Variants in PRKCH observed in about 807,000 individuals in gnomAD.
The protein encoded by PRKCH is protein kinase C eta, also known as protein kinase C eta type.
A neutral mutation model predicts 82.5 loss-of-function variants in PRKCH; 28 were observed. The observed-to-expected ratio is 0.34, with a 90% CI of 0.25 to 0.47. The LOEUF (loss-of-function observed/expected upper bound fraction) is 0.47, where lower values mean the gene tolerates loss of function less well. PRKCH is among the 20% of genes least tolerant of loss of function. The pLI is 1.00. For synonymous variants in PRKCH, 322 were observed against 327.4 expected (o/e 0.98, Z 0.18); for missense variants, 705 against 881.8 (o/e 0.80, Z 2.54).
intron 9 of PRKCH, among the ~76,000 whole-genome samples, chr14:61,465,618 T>C (rs1375139042): frequency 6.6e-6 from 1 of 152,254 alleles, no homozygotes; most frequent in African/African-American, 2.4e-5. Context: ...AATGTTTTGA[T>C]TACTGTAGCT....
intron 12 of PRKCH, among the ~76,000 whole-genome samples, chr14:61,543,121 G>C (rs78980171): frequency 0.013 from 2,017 of 152,318 alleles, 46 homozygotes; most frequent in African/African-American, 0.047. Flanking sequence ...CCATGTCAGA[G>C]AAGCTGTTAG....
chr14:61,233,348 G>A (rs1280521927), intron 1 of PRKCH, among the ~76,000 whole-genome samples: 1 of 151,270 alleles, frequency 6.6e-6, no homozygotes, highest in South Asian at 2.1e-4. Flanking sequence ...CCATAATCAA[G>A]CCACTGCACT....
In PRKCH at chr14:61,421,780, A is replaced by G. The variant is rs117765078; in HGVS notation, c.428-21331A>G. 9.2e-5 allele frequency among the ~76,000 whole-genome samples: 14 copies of G among 152,300 alleles called. No individual in the cohort carries two copies. In the East Asian group the frequency reaches 2.5e-3, roughly 27 times the overall value. ...CCCCTGGTCCTTGGTCTAAGCAGGCATAGGTGGTGCTGTGTGGTAAGAGCT... is the reference window on the plus strand; with the variant it reads ...CCCCTGGTCCTTGGTCTAAGCAGGCGTAGGTGGTGCTGTGTGGTAAGAGCT... On this transcript the variant is annotated intron_variant, in intron 2 of 13. Transcript: ENST00000332981.
At chr14:61,388,587 T>C (rs1204295698) in intron 1 of PRKCH, among the ~76,000 whole-genome samples, 3 of 152,144 alleles carry the variant, frequency 2.0e-5, no homozygotes, top group African/African-American at 7.2e-5. Context: ...GTCGAATGTA[T>C]GTGTATGTAT....
intron 1 of PRKCH, among the ~76,000 whole-genome samples, chr14:61,198,971 G>T (rs2044460119): frequency 6.6e-6 from 1 of 152,140 alleles, no homozygotes; most frequent in Non-Finnish European, 1.5e-5. Flanking sequence ...ACCCCCTTAA[G>T]CTTGCAAGGC....
intron 1 of PRKCH, among the ~76,000 whole-genome samples, chr14:61,248,416 C>T (rs2044906637): frequency 6.6e-6 from 1 of 152,192 alleles, no homozygotes; most frequent in Admixed American, 6.5e-5. Context: ...ACCAGAGCAG[C>T]ATAAACAAAG....
At chr14:61,382,779 T>A (rs1050997385) in intron 1 of PRKCH, among the ~76,000 whole-genome samples, 2 of 152,226 alleles carry the variant, frequency 1.3e-5, no homozygotes, top group African/African-American at 4.8e-5. Flanking sequence ...ATATGCTAGA[T>A]CCCTTTGCTT....
chr14:61,214,709 T>C (rs960788661), intron 1 of PRKCH, among the ~76,000 whole-genome samples: 1 of 152,164 alleles, frequency 6.6e-6, no homozygotes, highest in African/African-American at 2.4e-5. Context: ...GTGAGCTTTC[T>C]CTTCTATCTC....
intron 11 of PRKCH, 37 bp downstream of exon 11, chr14:61,529,250 G>A (rs756289005): frequency 6.3e-7 from 1 of 1,579,234 alleles, no homozygotes; most frequent in East Asian, 2.3e-5. Flanking sequence ...TGAAATCTGA[G>A]CTCTCCAGTA....
intron 1 of PRKCH, among the ~76,000 whole-genome samples, chr14:61,365,737 G>T (rs1252205907): frequency 6.6e-6 from 1 of 152,012 alleles, no homozygotes; most frequent in Admixed American, 6.5e-5. Context: ...AGGACATAAA[G>T]AGGCAGAAGA....
intron 2 of PRKCH, among the ~76,000 whole-genome samples, chr14:61,440,428 C>G (rs111486227): frequency 7.7e-4 from 118 of 152,324 alleles, no homozygotes; most frequent in African/African-American, 2.8e-3. Context: ...CAAACAAAAA[C>G]TGAGGCAGGT....
At chr14:61,354,360 T>C (rs988174000) in intron 1 of PRKCH, among the ~76,000 whole-genome samples, 1 of 152,086 alleles carries the variant, frequency 6.6e-6, no homozygotes, top group African/African-American at 2.4e-5. Context: ...AATATTTCAG[T>C]CACTGGTTTA....
chr14:61,506,934 T>C (rs1887176687), intron 10 of PRKCH, among the ~76,000 whole-genome samples: 1 of 151,860 alleles, frequency 6.6e-6, no homozygotes, highest in African/African-American at 2.4e-5. Flanking sequence ...AAAGCAAAAA[T>C]AAGTGAGAGG....
intron 1 of PRKCH, among the ~76,000 whole-genome samples, chr14:61,199,971 A>G (rs1466571317): frequency 2.0e-5 from 3 of 152,220 alleles, no homozygotes; most frequent in Non-Finnish European, 4.4e-5. Flanking sequence ...CAAGGAACAG[A>G]AATATTCCTT....
chr14:61,219,413 T>TGTCA (rs1408633878), intron 1 of PRKCH, among the ~76,000 whole-genome samples: 1 of 152,180 alleles, frequency 6.6e-6, no homozygotes, highest in Admixed American at 6.5e-5. Flanking sequence ...AGGCAAGGGG[T>TGTCA]GTCAGCTCCT....
chr14:61,230,253 T>C (rs181373585), intron 1 of PRKCH, among the ~76,000 whole-genome samples: 10 of 152,272 alleles, frequency 6.6e-5, no homozygotes, highest in Admixed American at 3.3e-4. Flanking sequence ...TTTCACCTCA[T>C]TCGGACCCGG....
rs536281984 is a variant in PRKCH, at chr14:61,341,958, T to C, written c.363+19494T>C. ...TGGCCCCTGGTAGGTGCTGAGTAAA[T>C]GTTGGTTGAATTGGATGCCTTGAGG... is the stretch of plus-strand genomic sequence containing the variant. On this transcript the variant is annotated intron_variant, in intron 1 of 13. Coordinates refer to ENST00000332981, the MANE Select transcript of PRKCH (RefSeq NM_006255.5). 3.3e-5 allele frequency among the ~76,000 whole-genome samples: 5 copies of C among 152,132 alleles called. No individual in the cohort carries two copies. In the East Asian group the frequency reaches 9.7e-4, roughly 29 times the overall value.
intron 9 of PRKCH, among the ~76,000 whole-genome samples, chr14:61,478,814 T>TCCTG (rs1177146646): frequency 6.6e-6 from 1 of 152,134 alleles, no homozygotes; most frequent in Non-Finnish European, 1.5e-5. Context: ...TGAGCCATGA[T>TCCTG]CCTGCCACTG....
At chr14:61,464,370 G>GTT (rs1411260687) in intron 9 of PRKCH, among the ~76,000 whole-genome samples, 100 of 149,612 alleles carry the variant, frequency 6.7e-4, no homozygotes, top group Middle Eastern at 6.9e-3. Context: ...GTGTGGTTTT[G>GTT]TTTTGTTTTT....
Sources: allele counts gnomAD v4.1 joint callset (sites outside exome capture counted in the v4.1 genomes callset), GRCh38; gene constraint gnomAD v4.1.1; transcripts MANE v1.5; gene names NCBI Gene and HGNC (gene_info 2026-07-23, HGNC 2026-07-21).